ARHGAP33: variants seen among roughly 807,000 people sequenced by gnomAD.
ARHGAP33 encodes Rho GTPase activating protein 33.
Under a neutral mutation model 126.2 loss-of-function variants are expected in ARHGAP33, and 57 were observed. The observed-to-expected ratio is 0.45, with a 90% confidence interval of 0.36 to 0.56. The LOEUF is 0.56. ARHGAP33 is among the 20% of genes least tolerant of loss of function. The probability of loss-of-function intolerance (pLI) is 0.00; values close to 1 mark genes in which losing one functional copy is unlikely to be tolerated. For synonymous variants in ARHGAP33, 711 were observed against 755.0 expected (o/e 0.94, Z 0.95); for missense variants, 1,500 against 1,748.3 (o/e 0.86, Z 2.53).
intron 16 of ARHGAP33, chr19:35,784,683 C>T (rs1972005251): frequency 3.1e-6 from 4 of 1,301,430 alleles, no homozygotes; most frequent in Non-Finnish European, 3.9e-6. Flanking sequence ...GGACTCAGCA[C>T]GTCGGAGGGC....
chr19:35,780,151 G>A, intron 6 of ARHGAP33, 60 bp from the exon 7 acceptor site: 1 of 1,594,680 alleles, frequency 6.3e-7, no homozygotes, highest in South Asian at 1.1e-5. Flanking sequence ...GAGGAGCTTG[G>A]TATGCCTGCA....
In ARHGAP33 at chr19:35,780,581, G is replaced by A. The variant is rs1971704449; in HGVS notation, c.703-1G>A. 6.2e-7 allele frequency: 1 copy of A among 1,613,676 alleles called. No homozygotes were observed. Among genetic ancestry groups the A allele is most frequent in the Non-Finnish European group, 8.5e-7 (1 of 1,179,960 alleles). ...CAGCTACTGACCCTGACCTTCCTCA[G>A]GTCGGGTTCTTCCCCAGTGAGTGTG... On this transcript the variant is annotated splice_acceptor_variant, in intron 8 of 20. Transcript: ENST00000007510. LOFTEE classifies it high-confidence loss of function.
intron 15 of ARHGAP33, among the ~76,000 whole-genome samples, chr19:35,783,235 A>T (rs1328801201): frequency 1.3e-5 from 2 of 152,202 alleles, no homozygotes; most frequent in Non-Finnish European, 2.9e-5. Flanking sequence ...CCAGCAGCAG[A>T]ATAAGCCTGG....
chr19:35,777,801 G>A, intron 2 of ARHGAP33, 23 bp from the exon 3 acceptor site: 1 of 1,614,058 alleles, frequency 6.2e-7, no homozygotes, highest in Non-Finnish European at 8.5e-7. Context: ...GGAGCTGCTG[G>A]TGACGCATCC....
Position 35,786,314 on chromosome 19 carries a change from G to A in ARHGAP33, c.1943-99G>A, listed in dbSNP as rs867004530. On this transcript the variant is annotated intron_variant, in intron 19 of 20. Transcript: ENST00000007510. This position sits in a 1 kb window ranked among gnomAD's most constrained non-coding sequence, Gnocchi z 7.0. The stretch of plus-strand genomic sequence containing the variant: ...CTCTTCCTGGCTTCACACTACTGTG[G>A]CCCTCTCCAGGAGGCGCCTCTTCAT... The A allele has an allele frequency of 3.0e-5, 44 of 1,448,000 alleles. No homozygotes were observed. In the Middle Eastern group the frequency reaches 2.5e-3, roughly 83 times the overall value. The allele number at this position is 1,448,000 out of a possible 1,614,324, so 89.7% of individuals were successfully genotyped here.
Position 35,782,296 on chromosome 19 carries a change from A to T in ARHGAP33, c.1086-77A>T, listed in dbSNP as rs1971834062. ...CATCCACCTGCGGGCACTTGGGGGT[A>T]GGGGCAAGGGGAGCATGGCCACGTG... On this transcript the variant is annotated intron_variant, in intron 12 of 20. Transcript: ENST00000007510. This position sits in a 1 kb window ranked among gnomAD's most constrained non-coding sequence, Gnocchi z 4.1. 7 of 1,524,188 alleles carry T rather than the reference A, an allele frequency of 4.6e-6. No individual in the cohort carries two copies. The highest frequency in any genetic ancestry group is 6.2e-6 in the Non-Finnish European group (7 of 1,120,946). The allele number at this position is 1,524,188 out of a possible 1,614,324, so 94.4% of individuals were successfully genotyped here. A position where few individuals can be genotyped will look rare whatever the true frequency, so the allele number is the denominator to read the frequency against.
Position 35,786,900 on chromosome 19 carries a change from G to C in ARHGAP33, c.2430G>C (p.Leu810=). The change falls in exon 20 of 21, where the codon CTG becomes CTC. Residue 810 remains leucine (L), a synonymous_variant. Coordinates refer to ENST00000007510, the MANE Select transcript of ARHGAP33 (RefSeq NM_001366178.1). The surrounding 1 kb of genome is among the most constrained non-coding windows in gnomAD (Gnocchi z 7.0). ...AVSVPPAVLE[L]LGAGGAPASA... is the part of the protein sequence containing the mutation. ...CAGTGCCACCCGCTGTCCTAGAACTGCTGGGGGCTGGGGGAGCACCTGCCT... is the reference window on the plus strand; with the variant it reads ...CAGTGCCACCCGCTGTCCTAGAACTCCTGGGGGCTGGGGGAGCACCTGCCT... 1 of 1,608,962 alleles carries C rather than the reference G, an allele frequency of 6.2e-7. No individual in the cohort carries two copies. The highest frequency in any genetic ancestry group is 1.1e-5 in the South Asian group (1 of 90,788).
At chr19:35,785,683 C>T in intron 19 of ARHGAP33, 200 bp downstream of exon 19, 2 of 1,425,918 alleles carry the variant, frequency 1.4e-6, no homozygotes, top group Non-Finnish European at 1.8e-6. Context: ...TTAACTTACT[C>T]ATTGGTCCAT....
chr19:35,779,286 G>A, intron 6 of ARHGAP33, 162 bp downstream of exon 6: 1 of 609,496 alleles, frequency 1.6e-6, no homozygotes, highest in Non-Finnish European at 2.9e-6. Flanking sequence ...GTGAGAGAAT[G>A]TGTGTGAGCA....
chr19:35,787,634 C>G lies in ARHGAP33; in HGVS notation c.3069C>G (p.Val1023=). Residue 1023 remains valine, a synonymous_variant, in exon 21 of 21, where the codon GTC becomes GTG. Coordinates refer to ENST00000007510, the MANE Select transcript of ARHGAP33 (RefSeq NM_001366178.1). The part of the protein sequence containing the change: ...PEAAAQSPCS[V]PSQVPTPGFF... ...CAGCAGCCCAGTCCCCATGTTCTGT[C>G]CCCTCACAGGTTCCTACCCCCGGCT... 6.3e-7 allele frequency: 1 copy of G among 1,596,976 alleles called. No individual in the cohort carries two copies. Among genetic ancestry groups the G allele is most frequent in the African/African-American group, 1.4e-5 (1 of 73,760 alleles).
rs762286074 is a variant in ARHGAP33 at position 35,786,916 on chromosome 19, G to A, written c.2446G>A (p.Ala816Thr). 10 of 1,609,818 alleles carry A rather than the reference G, an allele frequency of 6.2e-6. No homozygotes were observed. The South Asian group carries it at 6.6e-5, about 11-fold the overall frequency. ...AVLELLGAGG[A>T]PASATPTPAL... Reference sequence around the variant, plus strand: ...CCTAGAACTGCTGGGGGCTGGGGGAGCACCTGCCTCAGCCACCCCAACACC... The same window carrying A: ...CCTAGAACTGCTGGGGGCTGGGGGAACACCTGCCTCAGCCACCCCAACACC... The change falls in exon 20 of 21, where the codon GCA becomes ACA. Residue 816 changes from alanine to threonine, a missense_variant. By Grantham distance (58) the Ala-to-Thr change is moderately conservative. Transcript: ENST00000007510. The surrounding 1 kb of genome is among the most constrained non-coding windows in gnomAD (Gnocchi z 7.0).
chr19:35,779,671 C>T (rs536866553), intron 6 of ARHGAP33, among the ~76,000 whole-genome samples: 49 of 152,050 alleles, frequency 3.2e-4, no homozygotes, highest in African/African-American at 1.2e-3. Context: ...TCAGGTGTTC[C>T]GCCCACCTCA....
In ARHGAP33 at chr19:35,788,387, C is replaced by T. The variant is rs1972242651; in HGVS notation, c.3822C>T (p.Ser1274=). 6.3e-7 allele frequency: 1 copy of T among 1,584,674 alleles called. No individual in the cohort carries two copies. Among genetic ancestry groups the T allele is most frequent in the Non-Finnish European group, 8.6e-7 (1 of 1,166,088 alleles). The part of the protein sequence containing the change: ...AGPPPPYPTP[S]WSLHSEGQTR... ...CCCCACCCCCTTACCCCACTCCCAG[C>T]TGGTCCCTCCACTCTGAGGGCCAGA... The change falls in exon 21 of 21, where the codon AGC becomes AGT. Residue 1274 remains serine, a synonymous_variant. Transcript: ENST00000007510.
chr19:35,787,026 C>T lies in ARHGAP33; in HGVS notation c.2556C>T (p.Cys852=), dbSNP rs1290808543. 6.2e-7 allele frequency: 1 copy of T among 1,608,974 alleles called. No individual in the cohort carries two copies. Among genetic ancestry groups the T allele is most frequent in the African/African-American group, 1.3e-5 (1 of 74,802 alleles). The change falls in exon 20 of 21, where the codon TGC becomes TGT. Residue 852 remains cysteine (C), a synonymous_variant. Coordinates refer to ENST00000007510, the MANE Select transcript of ARHGAP33 (RefSeq NM_001366178.1). ...RGAEAPLTDA[C]QQEMCSKLRG... Reference sequence around the variant, plus strand: ...CCGAGGCCCCGCTGACTGACGCCTGCCAGCAGGAGATGTGCAGCAAGCTCC... The same window carrying T: ...CCGAGGCCCCGCTGACTGACGCCTGTCAGCAGGAGATGTGCAGCAAGCTCC...
rs763331582 is a variant in ARHGAP33, at chr19:35,786,814, C to A, written c.2344C>A (p.Arg782=). Residue 782 remains arginine (R), a synonymous_variant, in exon 20 of 21, where the codon CGG becomes AGG. Transcript: ENST00000007510. This position sits in a 1 kb window ranked among gnomAD's most constrained non-coding sequence, Gnocchi z 7.0. ...GGTGACCCCCCAGGCCATCTCGCCC[C>A]GGGGGCCCACCAGCCCCGCCTCGCC... The part of the protein sequence containing the change: ...PRVTPQAISP[R]GPTSPASPAA... 1 of 1,534,956 alleles carries A rather than the reference C, an allele frequency of 6.5e-7. No homozygotes were observed. Among genetic ancestry groups the A allele is most frequent in the Non-Finnish European group, 8.7e-7 (1 of 1,143,960 alleles).
chr19:35,778,336 G>A lies in ARHGAP33; in HGVS notation c.246G>A (p.Val82=). ...GPSLSGENEL[V]FGVQVTCQGR... The stretch of plus-strand genomic sequence containing the variant: ...GCCTCTCTGGAGAGAATGAGCTGGT[G>A]TTCGGGGTGCAGGTGACCTGTCAGG... Residue 82 remains valine (V), a synonymous_variant, in exon 4 of 21, where the codon GTG becomes GTA. Transcript: ENST00000007510. 1.2e-6 allele frequency: 2 copies of A among 1,614,214 alleles called. No homozygotes were observed. Among genetic ancestry groups the A allele is most frequent in the Non-Finnish European group, 1.7e-6 (2 of 1,180,026 alleles).
Position 35,786,635 on chromosome 19 carries a change from A to G in ARHGAP33, c.2165A>G (p.Asp722Gly). ...HRTSAWLDDGDELDFSPPRCL... is the reference protein window; with the variant it reads ...HRTSAWLDDGGELDFSPPRCL... ...ACCTCAGCCTGGCTAGATGATGGTG[A>G]TGAGCTGGACTTCAGCCCACCCCGC... is the stretch of plus-strand genomic sequence containing the variant. Residue 722 changes from aspartate to glycine, a missense_variant, in exon 20 of 21, where the codon GAT becomes GGT. Physicochemically the swap from Asp to Gly is moderately conservative, Grantham distance 94. This residue lies in a region of ARHGAP33 where 300 missense variants were observed against 291.1 expected (regional missense o/e 1.03). Coordinates refer to ENST00000007510, the MANE Select transcript of ARHGAP33 (RefSeq NM_001366178.1). This position sits in a 1 kb window ranked among gnomAD's most constrained non-coding sequence, Gnocchi z 7.0. 6.5e-7 allele frequency: 1 copy of G among 1,535,664 alleles called. No individual in the cohort carries two copies. Among genetic ancestry groups the G allele is most frequent in the Non-Finnish European group, 8.7e-7 (1 of 1,146,746 alleles).
At chr19:35,783,533 AC>A (rs1264203160) in intron 15 of ARHGAP33, among the ~76,000 whole-genome samples, 2 of 152,102 alleles carry the variant, frequency 1.3e-5, no homozygotes, top group African/African-American at 4.8e-5. Flanking sequence ...GGCTGAGGGA[AC>A]GGCAGGTGCA....
intron 1 of ARHGAP33, among the ~76,000 whole-genome samples, chr19:35,776,417 A>G (rs1971463409): frequency 6.6e-6 from 1 of 151,946 alleles, no homozygotes; most frequent in Admixed American, 6.6e-5. Context: ...CCCACGCTCC[A>G]GGCACAGAGA....
Sources: allele counts gnomAD v4.1 joint callset (sites outside exome capture counted in the v4.1 genomes callset), GRCh38; gene constraint gnomAD v4.1.1; regional missense constraint gnomAD v4.1.1; non-coding constraint Gnocchi (gnomAD v3.1); transcripts MANE v1.5; gene names NCBI Gene and HGNC (gene_info 2026-07-23, HGNC 2026-07-21).